TLL2: variants seen among roughly 807,000 people sequenced by gnomAD.
TLL2 encodes the protein tolloid like 2.
TLL2 carries 106 observed loss-of-function variants against 123.0 expected under a neutral mutation model. The ratio of observed to expected loss-of-function variants is 0.86; its 90% CI spans 0.74 to 1.01. TLL2 has a LOEUF of 1.01. Ranked by LOEUF, TLL2 falls within the 50% of genes least tolerant of loss-of-function variation. The pLI, the probability that TLL2 is intolerant of heterozygous loss-of-function variation, is 0.00. For synonymous variants in TLL2, 494 were observed against 516.8 expected (o/e 0.96, Z 0.60); for missense variants, 1,332 against 1,336.7 (o/e 1.00, Z 0.06).
rs756220771 is a variant in TLL2, at chr10:96,395,262, A to T, written c.1651T>A (p.Ser551Thr). 5 of 1,613,982 alleles carry T rather than the reference A, an allele frequency of 3.1e-6. No homozygotes were observed. In the South Asian group the frequency reaches 5.5e-5, roughly 18 times the overall value. The change falls in exon 13 of 21, where the codon TCC becomes ACC. Residue 551 changes from serine to threonine, a missense_variant. Physicochemically the swap from Ser to Thr is moderately conservative, Grantham distance 58. Coordinates refer to ENST00000357947, the MANE Select transcript of TLL2 (RefSeq NM_012465.4). ...YEKPEDVKSSSNRLWMKFVSD... is the reference protein window; with the variant it reads ...YEKPEDVKSSTNRLWMKFVSD... ...ACAAACTTCATCCACAGTCTGTTGG[A>T]GCTCGATTTCACATCCTCCGGCTTC...
Position 96,390,319 on chromosome 10 carries a change from A to G in TLL2, c.1727-3241T>C, listed in dbSNP as rs558278403. ...CCTACCAAGCCCTTCATGGTGACCT[A>G]TCAGCACTGGGATAGGGGGATGGAG... On this transcript the variant is annotated intron_variant, in intron 13 of 20. Transcript: ENST00000357947. Among the ~76,000 whole-genome samples, 38 of 152,366 alleles carry G rather than the reference A, an allele frequency of 2.5e-4. No homozygotes were observed. In the South Asian group the frequency reaches 6.4e-3, roughly 26 times the overall value.
In TLL2 at chr10:96,476,248, T is replaced by TTTTTTTGTTGTTGTTG. The variant is rs1285354320; in HGVS notation, c.286+4100_286+4101insCAACAACAACAAAAAA. Among the ~76,000 whole-genome samples the TTTTTTTGTTGTTGTTG allele has an allele frequency of 7.9e-4, 55 of 69,236 alleles. 4 individuals are homozygous for TTTTTTTGTTGTTGTTG. In the South Asian group the frequency reaches 0.01, roughly 13 times the overall value. The allele number at this position is 69,236 out of a possible 152,430, so 45.4% of individuals were successfully genotyped here. Reference sequence around the variant, plus strand: ...TATATATATATATATATATTTTATTTTTGTTGTTGTTGTTGTTGTTGAGAC... The same window carrying TTTTTTTGTTGTTGTTG: ...TATATATATATATATATATTTTATTTTTTTTTGTTGTTGTTGTTGTTGTTGTTGTTGTTGTTGAGAC... On this transcript the variant is annotated intron_variant, in intron 2 of 20. Transcript: ENST00000357947.
intron 2 of TLL2, among the ~76,000 whole-genome samples, chr10:96,453,921 A>AG (rs1159062637): frequency 1.3e-5 from 2 of 152,242 alleles, no homozygotes; most frequent in East Asian, 1.9e-4. Context: ...TTTGTTCAAC[A>AG]TATTACTTTA....
At chr10:96,467,580 A>G (rs1160992271) in intron 2 of TLL2, among the ~76,000 whole-genome samples, 1 of 152,218 alleles carries the variant, frequency 6.6e-6, no homozygotes, top group African/African-American at 2.4e-5. Flanking sequence ...CAGTGTTCTT[A>G]TAAGTCATGG....
At chr10:96,467,893 T>A (rs1490076652) in intron 2 of TLL2, among the ~76,000 whole-genome samples, 1 of 152,214 alleles carries the variant, frequency 6.6e-6, no homozygotes. Flanking sequence ...CTGATACATA[T>A]GATACACGTG....
intron 4 of TLL2, among the ~76,000 whole-genome samples, chr10:96,429,955 A>G (rs1310461692): frequency 6.6e-6 from 1 of 152,250 alleles, no homozygotes; most frequent in Non-Finnish European, 1.5e-5. Flanking sequence ...AAATTTTCCT[A>G]GAAGCAATGA....
chr10:96,375,859 C>G (rs34937235), intron 18 of TLL2, among the ~76,000 whole-genome samples: 61,590 of 152,036 alleles, frequency 0.41, 12,923 homozygotes, highest in East Asian at 0.65. Flanking sequence ...CTACTTACCT[C>G]TACAGTCAGA....
intron 1 of TLL2, among the ~76,000 whole-genome samples, chr10:96,508,507 A>G (rs957486158): frequency 2.0e-5 from 3 of 152,214 alleles, no homozygotes; most frequent in Non-Finnish European, 4.4e-5. Flanking sequence ...ATCCTATCCT[A>G]ACATGGGACC....
rs527428666 is a variant in TLL2, at chr10:96,388,416, A to G, written c.1727-1338T>C. Among the ~76,000 whole-genome samples, 11 of 152,330 alleles carry G rather than the reference A, an allele frequency of 7.2e-5. No homozygotes were observed. In the South Asian group the frequency reaches 2.1e-3, roughly 29 times the overall value. ...ACTCTGTCTCAACAACAACAAAAAA[A>G]GTTGTTCACCAAATCTTGAAATAAC... On this transcript the variant is annotated intron_variant, in intron 13 of 20. Coordinates refer to ENST00000357947, the MANE Select transcript of TLL2 (RefSeq NM_012465.4).
At chr10:96,397,077 C>T (rs1846349461) in intron 11 of TLL2, 109 bp downstream of exon 11, 4 of 962,656 alleles carry the variant, frequency 4.2e-6, no homozygotes, top group Non-Finnish European at 6.1e-6. Flanking sequence ...TGCCCCCACC[C>T]CTGTGGCTCT....
intron 16 of TLL2, among the ~76,000 whole-genome samples, chr10:96,380,933 C>A (rs536765900): frequency 2.0e-5 from 3 of 151,036 alleles, no homozygotes; most frequent in African/African-American, 4.9e-5. Context: ...GCGGAGATTG[C>A]GCCATTGCAC....
chr10:96,452,552 G>T (rs936603505), intron 2 of TLL2, among the ~76,000 whole-genome samples: 16 of 152,170 alleles, frequency 1.1e-4, no homozygotes, highest in African/African-American at 3.4e-4. Flanking sequence ...CAGCAATCCC[G>T]TAAATAAGTA....
chr10:96,468,540 A>G (rs1847150633), intron 2 of TLL2, among the ~76,000 whole-genome samples: 1 of 152,214 alleles, frequency 6.6e-6, no homozygotes, highest in Non-Finnish European at 1.5e-5. Flanking sequence ...TACTCTTAAA[A>G]GACGCTCCTC....
chr10:96,440,519 T>C (rs999582132), intron 3 of TLL2, among the ~76,000 whole-genome samples: 1 of 152,232 alleles, frequency 6.6e-6, no homozygotes, highest in Admixed American at 6.5e-5. Flanking sequence ...TCATTTCCCA[T>C]ATGGTTTTCA....
chr10:96,490,479 A>C (rs1274429633), intron 1 of TLL2, among the ~76,000 whole-genome samples: 1 of 152,258 alleles, frequency 6.6e-6, no homozygotes, highest in Non-Finnish European at 1.5e-5. Context: ...CTTACATAGG[A>C]TAAAACAGGT....
chr10:96,469,906 G>C (rs1271826669), intron 2 of TLL2, among the ~76,000 whole-genome samples: 1 of 152,068 alleles, frequency 6.6e-6, no homozygotes. Flanking sequence ...GAAGAGTGTG[G>C]GGAATGACAG....
At chr10:96,500,036 T>A (rs1324240345) in intron 1 of TLL2, among the ~76,000 whole-genome samples, 1 of 150,666 alleles carries the variant, frequency 6.6e-6, no homozygotes, top group African/African-American at 2.4e-5. Context: ...ATCCCAGCAC[T>A]TTGGGAGGCT....
At position 96,384,619 on chromosome 10, in the gene TLL2, G is replaced by A; in HGVS notation, c.2162C>T (p.Ser721Phe). ...RVEFKSDNTV[S>F]KRGFRAHFFS... is the part of the protein sequence containing the mutation. Reference sequence around the variant, plus strand: ...GAAGTGGGCCCTGAAGCCGCGCTTGGAGACGGTGTTGTCGGACTTGAACTC... The same window carrying A: ...GAAGTGGGCCCTGAAGCCGCGCTTGAAGACGGTGTTGTCGGACTTGAACTC... Residue 721 changes from serine (S) to phenylalanine (F), a missense_variant, in exon 16 of 21, where the codon TCC (serine) becomes TTC (phenylalanine). Physicochemically the swap from Ser to Phe is radical, Grantham distance 155. Transcript: ENST00000357947. 1 of 1,605,178 alleles carries A rather than the reference G, an allele frequency of 6.2e-7. No homozygotes were observed. The highest frequency in any genetic ancestry group is 1.3e-5 in the African/African-American group (1 of 74,816).
intron 9 of TLL2, 83 bp from the exon 10 acceptor site, chr10:96,405,417 A>G: frequency 6.2e-6 from 8 of 1,280,984 alleles, no homozygotes; most frequent in Non-Finnish European, 7.9e-6. Flanking sequence ...TGGTGTTCTC[A>G]CGTTACCCTT....
Sources: allele counts gnomAD v4.1 joint callset (sites outside exome capture counted in the v4.1 genomes callset), GRCh38; gene constraint gnomAD v4.1.1; transcripts MANE v1.5; gene names NCBI Gene and HGNC (gene_info 2026-07-23, HGNC 2026-07-21).